Variants in LOC400499 observed in about 807,000 individuals in gnomAD.
the LOC400499 span, among the ~76,000 whole-genome samples, chr16:11,392,988 G>T: frequency 6.6e-6 from 1 of 152,088 alleles, no homozygotes; most frequent in African/African-American, 2.4e-5. Flanking sequence ...TGAGTAGCTG[G>T]GAACTACAGG....
chr16:11,471,095 GT>G, the LOC400499 span, among the ~76,000 whole-genome samples: 1 of 152,160 alleles, frequency 6.6e-6, no homozygotes, highest in South Asian at 2.1e-4. Flanking sequence ...TAGGGGGGCA[GT>G]CTACACAGAG....
the LOC400499 span, among the ~76,000 whole-genome samples, chr16:11,427,350 CAAAAAAAAAAAAAA>C: frequency 5.1e-5 from 2 of 38,842 alleles, no homozygotes; most frequent in Admixed American, 3.3e-4. Context: ...CTCCATCTCA[CAAAAAAAAAAAAAA>C]AAAAAAAAAA....
chr16:11,507,958 T>C, the LOC400499 span, among the ~76,000 whole-genome samples: 1 of 152,120 alleles, frequency 6.6e-6, no homozygotes, highest in South Asian at 2.1e-4. Context: ...GAACATTGAA[T>C]GGAAGCCCCC....
At chr16:11,490,872 G>A in the LOC400499 span, among the ~76,000 whole-genome samples, 28 of 152,304 alleles carry the variant, frequency 1.8e-4, no homozygotes, top group East Asian at 3.5e-3. Flanking sequence ...GGAAAATACT[G>A]GGGGGAAGAG....
At chr16:11,414,028 G>A in the LOC400499 span, among the ~76,000 whole-genome samples, 2 of 152,132 alleles carry the variant, frequency 1.3e-5, no homozygotes, top group East Asian at 1.9e-4. Context: ...GAAGGGGGCT[G>A]GGCACAGGGC....
chr16:11,465,730 T>C, the LOC400499 span, among the ~76,000 whole-genome samples: 6 of 145,718 alleles, frequency 4.1e-5, no homozygotes, highest in Non-Finnish European at 7.4e-5. Context: ...CTACGATCAC[T>C]GCACAGAATA....
the LOC400499 span, chr16:11,448,152 G>A: frequency 7.5e-6 from 11 of 1,460,138 alleles, no homozygotes; most frequent in African/African-American, 2.8e-5. Flanking sequence ...AAGGCAAGAG[G>A]TAGCCCCCCA....
At chr16:11,448,161 C>T in the LOC400499 span, 6 of 1,428,190 alleles carry the variant, frequency 4.2e-6, no homozygotes, top group Non-Finnish European at 5.5e-6. Context: ...GGTAGCCCCC[C>T]ACAACCTGCC....
the LOC400499 span, chr16:11,475,635 G>A: frequency 2.5e-6 from 1 of 399,092 alleles, no homozygotes; most frequent in East Asian, 3.6e-5. Context: ...TTCCTCACCA[G>A]TACAGGACTG....
the LOC400499 span, among the ~76,000 whole-genome samples, chr16:11,421,226 C>T: frequency 2.0e-5 from 3 of 152,134 alleles, no homozygotes; most frequent in African/African-American, 7.2e-5. Flanking sequence ...CACCCCAGCC[C>T]CAGTGGGCAG....
At chr16:11,474,122 G>A in the LOC400499 span, among the ~76,000 whole-genome samples, 1 of 152,228 alleles carries the variant, frequency 6.6e-6, no homozygotes, top group Non-Finnish European at 1.5e-5. Context: ...GCCTCCCGAA[G>A]TGTGGGGATT....
the LOC400499 span, among the ~76,000 whole-genome samples, chr16:11,498,518 T>TAAAG: frequency 1.3e-5 from 2 of 151,630 alleles, no homozygotes; most frequent in African/African-American, 4.8e-5. Flanking sequence ...AATAAATAAA[T>TAAAG]AAAATTAATC....
chr16:11,505,853 C>T, the LOC400499 span, among the ~76,000 whole-genome samples: 10 of 152,088 alleles, frequency 6.6e-5, no homozygotes, highest in Non-Finnish European at 1.3e-4. Context: ...TATCCATCAC[C>T]GTAACCACCT....
the LOC400499 span, chr16:11,470,490 C>A: frequency 6.6e-6 from 1 of 152,202 alleles, no homozygotes; most frequent in Non-Finnish European, 1.5e-5. Context: ...TCCCCCGGAG[C>A]CTTTTCTTAA....
chr16:11,474,144 C>A, the LOC400499 span, among the ~76,000 whole-genome samples: 1 of 152,354 alleles, frequency 6.6e-6, no homozygotes, highest in East Asian at 1.9e-4. Context: ...CAGGCGTGAG[C>A]TATCCGCCGG....
the LOC400499 span, chr16:11,514,497 C>T: frequency 6.3e-3 from 2,500 of 399,638 alleles, 48 homozygotes; most frequent in African/African-American, 0.038. Flanking sequence ...AGCACTCCGG[C>T]CCGGAAGCTC....
chr16:11,372,683 A>C, the LOC400499 span: 1 of 907,672 alleles, frequency 1.1e-6, no homozygotes, highest in South Asian at 5.1e-5. Context: ...ATTGCAGTAG[A>C]AGGTGAAGGA....
At chr16:11,412,552 G>A in the LOC400499 span, among the ~76,000 whole-genome samples, 11 of 152,224 alleles carry the variant, frequency 7.2e-5, no homozygotes, top group Admixed American at 6.5e-4. Context: ...CGCCTCACCA[G>A]GCCCCCAGGC....
At chr16:11,491,353 C>T in the LOC400499 span, among the ~76,000 whole-genome samples, 3 of 152,182 alleles carry the variant, frequency 2.0e-5, no homozygotes, top group African/African-American at 7.2e-5. Context: ...CCTCTTCTAT[C>T]TTAGGTCTCT....
Sources: allele counts gnomAD v4.1 joint callset (sites outside exome capture counted in the v4.1 genomes callset), GRCh38; gene constraint gnomAD v4.1.1; transcripts MANE v1.5.